Variants in KCNN2 observed in about 807,000 individuals in gnomAD.
The protein encoded by KCNN2 is small conductance calcium-activated potassium channel protein 2.
A neutral mutation model predicts 55.5 loss-of-function variants in KCNN2; 24 were observed. The ratio of observed to expected loss-of-function variants is 0.43; its 90% CI spans 0.31 to 0.61. KCNN2 has a LOEUF of 0.61. Ranked by LOEUF, KCNN2 falls within the 20% of genes least tolerant of loss-of-function variation. KCNN2 has a pLI of 0.08. For missense variants in KCNN2, 754 were observed against 853.6 expected (o/e 0.88, Z 1.45); for synonymous variants, 431 against 336.1 (o/e 1.28, Z -3.09).
At chr5:114,407,125 G>GTATTT (rs1345354846) in intron 3 of KCNN2, among the ~76,000 whole-genome samples, 5 of 152,028 alleles carry the variant, frequency 3.3e-5, no homozygotes, top group African/African-American at 1.2e-4. Context: ...ATACAAGGAT[G>GTATTT]TATTTTAATC....
intron 1 of KCNN2, among the ~76,000 whole-genome samples, chr5:114,064,400 G>T (rs1750396298): frequency 6.6e-6 from 1 of 152,198 alleles, no homozygotes; most frequent in Non-Finnish European, 1.5e-5. Context: ...TGGGAAGCCA[G>T]TCTCCATGCT....
chr5:114,090,299 A>G (rs1751110902), intron 1 of KCNN2, among the ~76,000 whole-genome samples: 1 of 152,182 alleles, frequency 6.6e-6, no homozygotes, highest in Non-Finnish European at 1.5e-5. Context: ...CTTTTAAGGT[A>G]TCTTCTGTGG....
chr5:114,496,476 TAAAA>T lies in KCNN2; in HGVS notation c.*298_*301del, dbSNP rs1224077529. ...TACTACTACATTATATGATATATAA[TAAAA>T]AAAGTTAATTTCTGCACATACTCGT... is the stretch of plus-strand genomic sequence containing the variant. On this transcript the variant is annotated 3_prime_UTR_variant, in exon 8 of 8. Transcript: ENST00000673685. 2.1e-5 allele frequency: 5 copies of T among 239,378 alleles called. No individual in the cohort carries two copies. The highest frequency in any genetic ancestry group is 5.1e-5 in the Admixed American group (1 of 19,684). 14.8% of individuals were successfully genotyped at this position (239,378 alleles called of 1,614,324 possible).
intron 2 of KCNN2, among the ~76,000 whole-genome samples, chr5:114,283,018 C>T (rs1755653129): frequency 6.6e-6 from 1 of 152,108 alleles, no homozygotes; most frequent in Non-Finnish European, 1.5e-5. Context: ...TTCTGCAGCT[C>T]CACTATCATG....
intron 2 of KCNN2, among the ~76,000 whole-genome samples, chr5:114,341,132 T>C (rs1757008264): frequency 6.6e-6 from 1 of 152,228 alleles, no homozygotes; most frequent in Non-Finnish European, 1.5e-5. Flanking sequence ...CTGTTATGAA[T>C]AATGCCTTCA....
chr5:114,160,789 G>C (rs1167337023), intron 1 of KCNN2, among the ~76,000 whole-genome samples: 3 of 149,804 alleles, frequency 2.0e-5, no homozygotes, highest in East Asian at 1.9e-4. Flanking sequence ...GATCTTTGTT[G>C]GTTTAAAGTC....
At chr5:114,238,453 C>T (rs1387525836) in intron 2 of KCNN2, among the ~76,000 whole-genome samples, 1 of 151,956 alleles carries the variant, frequency 6.6e-6, no homozygotes, top group African/African-American at 2.4e-5. Flanking sequence ...TGGTGAAACC[C>T]CGTCTCTACT....
chr5:114,434,579 C>T (rs1759936482), intron 3 of KCNN2, among the ~76,000 whole-genome samples: 5 of 152,102 alleles, frequency 3.3e-5, no homozygotes, highest in Admixed American at 2.6e-4. Context: ...TGGGATAAAC[C>T]GGTCTGTTGT....
At chr5:114,222,265 G>A (rs1166223610) in intron 2 of KCNN2, among the ~76,000 whole-genome samples, 3 of 152,174 alleles carry the variant, frequency 2.0e-5, no homozygotes, top group Non-Finnish European at 4.4e-5. Context: ...CTCTCAGCAG[G>A]AAGCTGTAAG....
chr5:114,309,251 T>C (rs73243744), intron 2 of KCNN2, among the ~76,000 whole-genome samples: 2,151 of 152,260 alleles, frequency 0.014, 52 homozygotes, highest in African/African-American at 0.049. Context: ...ACAGTATTTT[T>C]CAGAGGTAAA....
intron 2 of KCNN2, among the ~76,000 whole-genome samples, chr5:114,381,947 T>C (rs1319363356): frequency 6.6e-6 from 1 of 152,200 alleles, no homozygotes; most frequent in Non-Finnish European, 1.5e-5. Context: ...GGGAGTTGGA[T>C]ACCTGTCTGT....
chr5:114,078,672 G>A (rs1044586103), intron 1 of KCNN2, among the ~76,000 whole-genome samples: 2 of 152,156 alleles, frequency 1.3e-5, no homozygotes, highest in African/African-American at 4.8e-5. Flanking sequence ...TGTCTCATAG[G>A]GGACAGCCTG....
intron 1 of KCNN2, among the ~76,000 whole-genome samples, chr5:114,131,150 G>C (rs1325053589): frequency 1.3e-5 from 2 of 151,812 alleles, no homozygotes; most frequent in East Asian, 3.9e-4. Flanking sequence ...TTAAGTTCTG[G>C]GGTACATGTG....
chr5:114,168,801 C>G (rs1283437610), intron 1 of KCNN2, among the ~76,000 whole-genome samples: 1 of 152,052 alleles, frequency 6.6e-6, no homozygotes, highest in Non-Finnish European at 1.5e-5. Flanking sequence ...GAATTCTGGC[C>G]TTCTAGACCT....
Position 114,363,105 on chromosome 5 carries a change from C to T in KCNN2, c.966C>T (p.Ser322=), listed in dbSNP as rs1242488715. 2.5e-6 allele frequency: 4 copies of T among 1,612,936 alleles called. No homozygotes were observed. The highest frequency in any genetic ancestry group is 3.4e-6 in the Non-Finnish European group (4 of 1,179,934). The change falls in exon 1 of 8, where the codon AGC becomes AGT. Residue 322 remains serine, a synonymous_variant. Coordinates refer to ENST00000673685, the MANE Select transcript of KCNN2 (RefSeq NM_021614.4). ...GHGSSSGTKS[S]KKKNQNIGYK... ...GCAGCAGCAGTGGCACCAAGTCCAG[C>T]AAAAAGAAAAACCAGAACATCGGCT...
intron 2 of KCNN2, 48 bp downstream of exon 2, chr5:114,364,049 G>T (rs1757531608): frequency 7.0e-7 from 1 of 1,427,272 alleles, no homozygotes; most frequent in African/African-American, 1.4e-5. Context: ...CCTACAGTCA[G>T]CCTAGAGAAA....
At chr5:114,119,226 G>T (rs1418300810) in intron 1 of KCNN2, among the ~76,000 whole-genome samples, 1 of 152,160 alleles carries the variant, frequency 6.6e-6, no homozygotes, top group Non-Finnish European at 1.5e-5. Flanking sequence ...GCTCTGATGT[G>T]CAGGCCACTG....
rs1195251272 is a variant in KCNN2 at position 114,056,599 on chromosome 5, C to G, written c.-271+99C>G. On this transcript the variant is annotated intron_variant, in intron 1 of 10. Transcript: ENST00000512097. Reference sequence around the variant, plus strand: ...CTAAAGTGAAGTTTGCCTGGGCTTTCACTCCTCCCCTCCCTCTTGCTTACT... The same window carrying G: ...CTAAAGTGAAGTTTGCCTGGGCTTTGACTCCTCCCCTCCCTCTTGCTTACT... 7 of 394,484 alleles carry G rather than the reference C, an allele frequency of 1.8e-5. No homozygotes were observed. The East Asian group carries it at 2.2e-4, about 12-fold the overall frequency. 24.4% of individuals were successfully genotyped at this position (394,484 alleles called of 1,614,324 possible). A position where few individuals can be genotyped will look rare whatever the true frequency, so the allele number is the denominator to read the frequency against.
chr5:114,417,224 G>T (rs1759333049), intron 3 of KCNN2, among the ~76,000 whole-genome samples: 1 of 152,192 alleles, frequency 6.6e-6, no homozygotes, highest in African/African-American at 2.4e-5. Context: ...ATCAGCTTTA[G>T]TCATTAGTTT....
Sources: gnomAD v4.1 joint callset for allele counts (sites outside exome capture counted in the v4.1 genomes callset) on GRCh38, gnomAD v4.1.1 for gene constraint, MANE v1.5 for transcripts, NCBI Gene and HGNC (gene_info 2026-07-23, HGNC 2026-07-21) for gene names.